The following ZNF626 variants were observed in gnomAD, a reference collection of about 807,000 sequenced individuals.
ZNF626 encodes CTC-513N18.7.
ZNF626 carries 4 observed loss-of-function variants against 11.7 expected under a neutral mutation model. The ratio of observed to expected loss-of-function variants is 0.34; its 90% CI spans 0.17 to 0.78. ZNF626 has a LOEUF of 0.78. Ranked by LOEUF, ZNF626 falls within the 30% of genes least tolerant of loss-of-function variation. The pLI, the probability that ZNF626 is intolerant of heterozygous loss-of-function variation, is 0.57. For missense variants in ZNF626, 588 were observed against 587.1 expected, an observed-to-expected ratio of 1.00 and a Z score of -0.01; for synonymous variants, 179 against 198.6, an observed-to-expected ratio of 0.90 and a Z score of 0.83.
chr19:20,622,303 T>A lies in ZNF626; in HGVS notation c.*1987A>T, dbSNP rs1394964741. On this transcript the variant is annotated 3_prime_UTR_variant, in exon 4 of 4. Transcript: ENST00000601440. ...ACAGTAAAATTAGTAAAATAATTGA[T>A]ATACTTTAATTTATAATTTCTTTCT... The A allele has an allele frequency of 6.6e-6, 1 of 152,238 alleles. No homozygotes were observed. The highest frequency in any genetic ancestry group is 1.5e-5 in the Non-Finnish European group (1 of 68,044). 9.4% of individuals were successfully genotyped at this position (152,238 alleles called of 1,614,324 possible).
intron 1 of ZNF626, among the ~76,000 whole-genome samples, chr19:20,649,186 T>C (rs1464569934): frequency 2.0e-5 from 3 of 152,170 alleles, no homozygotes; most frequent in Non-Finnish European, 2.9e-5. Context: ...ACCTGTTATC[T>C]TGAGACTATG....
rs984432974 is a variant in ZNF626 at position 20,621,373 on chromosome 19, C to T, written c.*2917G>A. ...CCTGACCTCATGATCTGCCCGACGTCGCCTACCAAAGTGCTGGGATTACAG... is the reference window on the plus strand; with the variant it reads ...CCTGACCTCATGATCTGCCCGACGTTGCCTACCAAAGTGCTGGGATTACAG... On this transcript the variant is annotated 3_prime_UTR_variant, in exon 4 of 4. Coordinates refer to ENST00000601440, the MANE Select transcript of ZNF626 (RefSeq NM_001076675.3). The T allele has an allele frequency of 2.6e-5, 4 of 152,130 alleles. No individual in the cohort carries two copies. The highest frequency in any genetic ancestry group is 2.1e-4 in the South Asian group (1 of 4,812). The allele number at this position is 152,130 out of a possible 1,614,324, so 9.4% of individuals were successfully genotyped here. A position where few individuals can be genotyped will look rare whatever the true frequency, so the allele number is the denominator to read the frequency against.
Position 20,625,165 on chromosome 19 carries a change from A to G in ZNF626, c.712T>C (p.Phe238Leu). 1.2e-6 allele frequency: 2 copies of G among 1,613,156 alleles called. No individual in the cohort carries two copies. Among genetic ancestry groups the G allele is most frequent in the Non-Finnish European group, 1.7e-6 (2 of 1,179,918 alleles). The change falls in exon 4 of 4, where the codon TTT (phenylalanine) becomes CTT (leucine). Residue 238 changes from phenylalanine to leucine, a missense_variant. By Grantham distance (22) the Phe-to-Leu change is conservative. This residue lies in a region of ZNF626 where 524 missense variants were observed against 470.1 expected (regional missense o/e 1.11). Transcript: ENST00000601440. ...PYKCEECGKA[F>L]KHSSTLTTHK... Reference sequence around the variant, plus strand: ...GTAGTAAGAGTGGAGGAGTGCTTAAAGGCTTTGCCACATTCTTCACATTTG... The same window carrying G: ...GTAGTAAGAGTGGAGGAGTGCTTAAGGGCTTTGCCACATTCTTCACATTTG...
intron 1 of ZNF626, among the ~76,000 whole-genome samples, chr19:20,657,885 A>C (rs1970222086): frequency 6.6e-6 from 1 of 152,184 alleles, no homozygotes. Flanking sequence ...ATTATTTATA[A>C]GTAAGAGCTA....
chr19:20,652,082 A>G (rs1970151916), intron 1 of ZNF626, among the ~76,000 whole-genome samples: 1 of 152,214 alleles, frequency 6.6e-6, no homozygotes. Context: ...ACATCTCACA[A>G]TGCAGAAAAT....
At chr19:20,628,146 G>T (rs10411762) in intron 3 of ZNF626, among the ~76,000 whole-genome samples, 4,167 of 151,744 alleles carry the variant, frequency 0.027, 95 homozygotes, top group Non-Finnish European at 0.042. Context: ...TCCATGGTGT[G>T]TATGTGCCAC....
intron 1 of ZNF626, among the ~76,000 whole-genome samples, chr19:20,649,829 C>T (rs1367932339): frequency 2.0e-5 from 3 of 149,628 alleles, no homozygotes; most frequent in Non-Finnish European, 4.5e-5. Context: ...CTCCCCCCGC[C>T]CCTTGGCGCA....
intron 1 of ZNF626, among the ~76,000 whole-genome samples, chr19:20,650,452 T>TA (rs1970134428): frequency 6.6e-6 from 1 of 152,198 alleles, no homozygotes; most frequent in African/African-American, 2.4e-5. Flanking sequence ...ATATAAAATT[T>TA]AAAAACTAAG....
At chr19:20,659,274 C>A (rs782681884) in intron 1 of ZNF626, among the ~76,000 whole-genome samples, 56 of 151,992 alleles carry the variant, frequency 3.7e-4, no homozygotes, top group Middle Eastern at 3.4e-3. Context: ...GAGTCTCGCT[C>A]GGCCACCCAG....
chr19:20,635,034 G>C (rs1555770796), intron 3 of ZNF626, among the ~76,000 whole-genome samples: 1 of 152,138 alleles, frequency 6.6e-6, no homozygotes, highest in African/African-American at 2.4e-5. Flanking sequence ...TCAGTAGGTA[G>C]AAAAATACTG....
rs1204854384 is a variant in ZNF626, at chr19:20,651,490, A to G, written c.4-5085T>C. ...AGATCTCCTCCTTGTTTATCATCCC[A>G]GTACCAGGAAACTGGAGAAACTCTC... On this transcript the variant is annotated intron_variant, in intron 1 of 3. Coordinates refer to ENST00000601440, the MANE Select transcript of ZNF626 (RefSeq NM_001076675.3). Among the ~76,000 whole-genome samples, 5 of 152,142 alleles carry G rather than the reference A, an allele frequency of 3.3e-5. No homozygotes were observed. In the East Asian group the frequency reaches 9.6e-4, roughly 29 times the overall value.
chr19:20,656,513 TAAAAG>T (rs1970207293), intron 1 of ZNF626, among the ~76,000 whole-genome samples: 1 of 151,984 alleles, frequency 6.6e-6, no homozygotes, highest in African/African-American at 2.4e-5. Context: ...ACCTACAGAA[TAAAAG>T]AAAATATTTG....
rs782337748 is a variant in ZNF626 at position 20,624,989 on chromosome 19, C to A, written c.888G>T (p.Arg296=). The change falls in exon 4 of 4, where the codon CGG becomes CGT. Residue 296 remains arginine, a synonymous_variant. Coordinates refer to ENST00000601440, the MANE Select transcript of ZNF626 (RefSeq NM_001076675.3). ...KCEECGKAFN[R]SSTLTTHKII... ...TCTTATGTGTAGTAAGGGTTGAGGA[C>A]CGGTTGAAGGCTTTGCCACATTCTT... 5 of 1,611,076 alleles carry A rather than the reference C, an allele frequency of 3.1e-6. No individual in the cohort carries two copies. The highest frequency in any genetic ancestry group is 3.4e-6 in the Non-Finnish European group (4 of 1,179,248).
intron 3 of ZNF626, among the ~76,000 whole-genome samples, chr19:20,626,229 A>G (rs1555769678): frequency 1.3e-5 from 2 of 152,118 alleles, no homozygotes; most frequent in Non-Finnish European, 2.9e-5. Flanking sequence ...CAGAATCTCT[A>G]GTTAAGACAA....
intron 3 of ZNF626, among the ~76,000 whole-genome samples, chr19:20,632,332 T>C (rs1451730354): frequency 3.3e-5 from 5 of 152,168 alleles, no homozygotes; most frequent in African/African-American, 1.2e-4. Flanking sequence ...TGAATGTTGG[T>C]CTGCCTTGCT....
chr19:20,633,886 G>C (rs142706798), intron 3 of ZNF626, among the ~76,000 whole-genome samples: 2 of 152,168 alleles, frequency 1.3e-5, no homozygotes, highest in Non-Finnish European at 2.9e-5. Context: ...TATCGCTCAC[G>C]TTGGGAGCTG....
At chr19:20,661,043 C>G (rs1970261609) in intron 1 of ZNF626, among the ~76,000 whole-genome samples, 2 of 152,192 alleles carry the variant, frequency 1.3e-5, no homozygotes, top group South Asian at 2.1e-4. Flanking sequence ...GCGTCCGGCC[C>G]CATACATTTT....
intron 1 of ZNF626, among the ~76,000 whole-genome samples, chr19:20,647,618 C>T (rs1443255631): frequency 6.6e-6 from 1 of 151,400 alleles, no homozygotes; most frequent in African/African-American, 2.4e-5. Flanking sequence ...TCCCGAGTAG[C>T]TGGGACTACA....
intron 3 of ZNF626, among the ~76,000 whole-genome samples, chr19:20,637,713 CATGCCAGTA>C (rs1196319294): frequency 6.6e-6 from 1 of 151,720 alleles, no homozygotes; most frequent in African/African-American, 2.4e-5. Context: ...AAAAATAATG[CATGCCAGTA>C]CAAAATTAAA....
Sources: allele counts gnomAD v4.1 joint callset (sites outside exome capture counted in the v4.1 genomes callset), GRCh38; gene constraint gnomAD v4.1.1; regional missense constraint gnomAD v4.1.1; transcripts MANE v1.5; gene names NCBI Gene and HGNC (gene_info 2026-07-23, HGNC 2026-07-21).